Variants in MARCHF11 observed in about 807,000 individuals in gnomAD.
The protein encoded by MARCHF11 is E3 ubiquitin-protein ligase MARCHF11.
MARCHF11 carries 29 observed loss-of-function variants against 37.3 expected under a neutral mutation model. That is an observed-to-expected ratio of 0.78 (90% confidence interval 0.58 to 1.06). The LOEUF is 1.06. Ranked by LOEUF, MARCHF11 falls within the 50% of genes least tolerant of loss-of-function variation. The pLI, the probability that MARCHF11 is intolerant of heterozygous loss-of-function variation, is 0.00. For synonymous variants in MARCHF11, 233 were observed against 228.0 expected, an observed-to-expected ratio of 1.02 and a Z score of -0.20; for missense variants, 482 against 533.4, an observed-to-expected ratio of 0.90 and a Z score of 0.95.
intron 3 of MARCHF11, among the ~76,000 whole-genome samples, chr5:16,089,100 A>G (rs1031664838): frequency 7.5e-6 from 1 of 133,612 alleles, no homozygotes; most frequent in African/African-American, 3.7e-5. Context: ...TTCTGAAATT[A>G]AAAAAAAAAA....
chr5:16,126,785 C>T (rs537088552), intron 2 of MARCHF11, among the ~76,000 whole-genome samples: 14 of 152,286 alleles, frequency 9.2e-5, no homozygotes, highest in Non-Finnish European at 7.4e-5. Flanking sequence ...GAACTACTCA[C>T]CATAATAAAA....
At chr5:16,140,090 G>T (rs1026615486) in intron 2 of MARCHF11, among the ~76,000 whole-genome samples, 8 of 151,968 alleles carry the variant, frequency 5.3e-5, no homozygotes, top group African/African-American at 1.9e-4. Context: ...TCAAAACCAA[G>T]AATACAGTAT....
chr5:16,143,206 C>G (rs1185368644), intron 2 of MARCHF11, among the ~76,000 whole-genome samples: 4 of 152,150 alleles, frequency 2.6e-5, no homozygotes, highest in Non-Finnish European at 5.9e-5. Flanking sequence ...TCTGCTCTGT[C>G]TCTAGTTCTG....
chr5:16,120,135 T>C (rs765824559), intron 2 of MARCHF11, among the ~76,000 whole-genome samples: 19 of 152,240 alleles, frequency 1.2e-4, no homozygotes, highest in Non-Finnish European at 2.4e-4. Context: ...GTTGGAAATG[T>C]AAAGCTTCAC....
chr5:16,108,115 G>A (rs1375214225), intron 2 of MARCHF11, among the ~76,000 whole-genome samples: 1 of 152,202 alleles, frequency 6.6e-6, no homozygotes, highest in Admixed American at 6.5e-5. Flanking sequence ...CAAGCCATTC[G>A]TGGACGGCAA....
In MARCHF11 at chr5:16,178,008, G is replaced by T. The variant is rs2126613954; in HGVS notation, c.538-127C>A. ...AGCATCAGGCTCTATCATAGGAAAT[G>T]AAATTAAAATTTTATACCTCTGATG... On this transcript the variant is annotated intron_variant, in intron 1 of 3. Transcript: ENST00000332432. 3 of 881,046 alleles carry T rather than the reference G, an allele frequency of 3.4e-6. No individual in the cohort carries two copies. The East Asian group carries it at 8.8e-5, about 26-fold the overall frequency. The allele number at this position is 881,046 out of a possible 1,614,324, so 54.6% of individuals were successfully genotyped here. A position where few individuals can be genotyped will look rare whatever the true frequency, so the allele number is the denominator to read the frequency against.
At chr5:16,147,893 T>C (rs1424293777) in intron 2 of MARCHF11, among the ~76,000 whole-genome samples, 3 of 152,230 alleles carry the variant, frequency 2.0e-5, no homozygotes, top group Middle Eastern at 3.4e-3. Flanking sequence ...GCCACTGCCT[T>C]ACCTATTCTA....
chr5:16,074,602 C>A (rs1013792469), intron 3 of MARCHF11, among the ~76,000 whole-genome samples: 6 of 152,114 alleles, frequency 3.9e-5, no homozygotes, highest in African/African-American at 1.4e-4. Flanking sequence ...ATTCACAGAA[C>A]CAGGTTGAGA....
At chr5:16,084,756 G>GTT (rs35564919) in intron 3 of MARCHF11, among the ~76,000 whole-genome samples, 5 of 130,678 alleles carry the variant, frequency 3.8e-5, no homozygotes, top group Admixed American at 7.1e-5. Context: ...AGAAGGAGCA[G>GTT]TTTTTTTTTT....
At chr5:16,173,332 C>T (rs1384206746) in intron 2 of MARCHF11, among the ~76,000 whole-genome samples, 3 of 152,168 alleles carry the variant, frequency 2.0e-5, no homozygotes, top group African/African-American at 7.2e-5. Context: ...TCACAGGTTA[C>T]ATGCACCCAC....
intron 3 of MARCHF11, among the ~76,000 whole-genome samples, chr5:16,073,185 T>C (rs1736465801): frequency 1.3e-5 from 2 of 152,328 alleles, no homozygotes; most frequent in East Asian, 1.9e-4. Context: ...AGAGTCCATC[T>C]AATAAACTGG....
At chr5:16,125,388 T>C (rs1001233384) in intron 2 of MARCHF11, among the ~76,000 whole-genome samples, 1 of 152,140 alleles carries the variant, frequency 6.6e-6, no homozygotes, top group East Asian at 1.9e-4. Context: ...CACATCCTAT[T>C]ATCATCATTA....
intron 2 of MARCHF11, among the ~76,000 whole-genome samples, chr5:16,163,900 A>T (rs578211449): frequency 3.3e-5 from 5 of 152,116 alleles, no homozygotes; most frequent in African/African-American, 1.2e-4. Flanking sequence ...GCTCTTTGCC[A>T]TGTGATAACA....
chr5:16,094,053 A>T (rs1736825548), intron 2 of MARCHF11, among the ~76,000 whole-genome samples: 1 of 152,208 alleles, frequency 6.6e-6, no homozygotes, highest in South Asian at 2.1e-4. Context: ...TAATGAAGAC[A>T]CATCATTACT....
chr5:16,081,956 G>T (rs1421944937), intron 3 of MARCHF11, among the ~76,000 whole-genome samples: 1 of 152,070 alleles, frequency 6.6e-6, no homozygotes, highest in Non-Finnish European at 1.5e-5. Context: ...AAAGGCAATG[G>T]TATCACTCAT....
intron 2 of MARCHF11, among the ~76,000 whole-genome samples, chr5:16,125,827 T>G (rs191488627): frequency 6.6e-6 from 1 of 152,156 alleles, no homozygotes; most frequent in Non-Finnish European, 1.5e-5. Context: ...AAATCCCTTA[T>G]GGGTTAACTT....
At chr5:16,167,341 A>G (rs1296324002) in intron 2 of MARCHF11, among the ~76,000 whole-genome samples, 1 of 152,118 alleles carries the variant, frequency 6.6e-6, no homozygotes, top group Non-Finnish European at 1.5e-5. Flanking sequence ...ACAGATCTGA[A>G]AGCCTACCAG....
chr5:16,131,947 T>TAACGTAGAAAG (rs1314671389), intron 2 of MARCHF11, among the ~76,000 whole-genome samples: 3 of 152,216 alleles, frequency 2.0e-5, no homozygotes, highest in African/African-American at 7.2e-5. Flanking sequence ...TAAAGTTCAC[T>TAACGTAGAAAG]AACGTAGAAA....
intron 2 of MARCHF11, among the ~76,000 whole-genome samples, chr5:16,146,302 TCGACAC>T (rs1737794035): frequency 6.6e-6 from 1 of 152,164 alleles, no homozygotes; most frequent in African/African-American, 2.4e-5. Flanking sequence ...TACATGGAAG[TCGACAC>T]CTGTTACTCA....
Sources: gnomAD v4.1 joint callset for allele counts (sites outside exome capture counted in the v4.1 genomes callset) on GRCh38, gnomAD v4.1.1 for gene constraint, MANE v1.5 for transcripts, NCBI Gene and HGNC (gene_info 2026-07-23, HGNC 2026-07-21) for gene names.